The following MTMR8 variants were observed in gnomAD, a reference collection of about 807,000 sequenced individuals.
MTMR8 encodes the protein phosphatidylinositol-3,5-bisphosphate 3-phosphatase MTMR8.
Under a neutral mutation model 39.3 loss-of-function variants are expected in MTMR8, and 65 were observed. The ratio of observed to expected loss-of-function variants is 1.65; its 90% CI spans 1.35 to 2.03. MTMR8 has a LOEUF of 2.03. Among genes scored for constraint, MTMR8 ranks in the 30% most tolerant of loss-of-function variants. The probability of loss-of-function intolerance (pLI) is 0.00; values close to 1 mark genes in which losing one functional copy is unlikely to be tolerated. For missense variants in MTMR8, 777 were observed against 538.9 expected, an observed-to-expected ratio of 1.44 and a Z score of -4.37; for synonymous variants, 245 against 185.2, an observed-to-expected ratio of 1.32 and a Z score of -2.62.
rs148642933 is a variant in MTMR8, at chrX:64,268,559, G to T, written c.2093C>A (p.Ala698Glu). 14 of 1,206,223 alleles carry T rather than the reference G, an allele frequency of 1.2e-5. No homozygotes were observed. The highest frequency in any genetic ancestry group is 1.8e-5 in the African/African-American group (1 of 56,921). ...AACTCACTGATGCTTGGAGTAGTCT[G>T]CCTCCTTGGTGCTGGCCTTGGAGAT... is the stretch of plus-strand genomic sequence containing the variant. Reference protein sequence around the residue: ...TGISKASTKEADYSKHQ With the variant: ...TGISKASTKEEDYSKHQ Residue 698 changes from alanine (A) to glutamate (E), a missense_variant, in exon 14 of 14, where the codon GCA becomes GAA. By Grantham distance (107) the Ala-to-Glu change is moderately radical. Coordinates refer to ENST00000374852, the MANE Select transcript of MTMR8 (RefSeq NM_017677.4).
At chrX:64,392,549 G>T (rs138607731) in intron 1 of MTMR8, among the ~76,000 whole-genome samples, 1 of 111,257 alleles carries the variant, frequency 9.0e-6, no homozygotes, top group African/African-American at 3.3e-5. Flanking sequence ...GACTGGAAGG[G>T]GGCATGAAGT....
intron 1 of MTMR8, among the ~76,000 whole-genome samples, chrX:64,388,816 T>C (rs1191526451): frequency 8.9e-6 from 1 of 112,311 alleles, no homozygotes; most frequent in African/African-American, 3.2e-5. Flanking sequence ...CTCGGAGCCT[T>C]TAATAGGTGA....
intron 4 of MTMR8, among the ~76,000 whole-genome samples, chrX:64,354,033 C>T (rs1320925753): frequency 9.5e-6 from 1 of 105,209 alleles, no homozygotes; most frequent in East Asian, 3.0e-4. Flanking sequence ...AACTGGGGGA[C>T]ATTATATTAA....
intron 7 of MTMR8, among the ~76,000 whole-genome samples, chrX:64,344,822 T>G (rs1015997638): frequency 9.0e-6 from 1 of 111,523 alleles, no homozygotes; most frequent in African/African-American, 3.3e-5. Context: ...CAGATGAACT[T>G]TATTGAATTA....
rs1363691047 is a variant in MTMR8, at chrX:64,390,722, G to A, written c.24+4618C>T. ...GCCAGAGTGAAGTGGCACTATCAGA[G>A]CTCACTGCAGCCTCGACCTCCCAGA... On this transcript the variant is annotated intron_variant, in intron 1 of 13. Coordinates refer to ENST00000374852, the MANE Select transcript of MTMR8 (RefSeq NM_017677.4). Among the ~76,000 whole-genome samples the A allele has an allele frequency of 3.6e-5, 4 of 111,147 alleles. No homozygotes were observed. In the Admixed American group the frequency reaches 3.8e-4, roughly 11 times the overall value.
intron 12 of MTMR8, among the ~76,000 whole-genome samples, chrX:64,313,596 C>A (rs184037005): frequency 1.8e-5 from 2 of 112,565 alleles, no homozygotes; most frequent in African/African-American, 6.4e-5. Context: ...GTCTTCCTTG[C>A]TAAGCTTAAT....
chrX:64,357,282 T>C (rs1365723243), intron 2 of MTMR8, among the ~76,000 whole-genome samples: 2 of 111,432 alleles, frequency 1.8e-5, no homozygotes, highest in African/African-American at 3.3e-5. Flanking sequence ...TTCCAATCAA[T>C]AGTGCCTTTT....
At chrX:64,298,354 G>T (rs1921705644) in intron 12 of MTMR8, among the ~76,000 whole-genome samples, 1 of 93,043 alleles carries the variant, frequency 1.1e-5, no homozygotes, top group Non-Finnish European at 2.1e-5. Flanking sequence ...ATTGTGAATG[G>T]GAGTTCACTC....
chrX:64,272,840 A>C (rs1931790984), intron 12 of MTMR8, among the ~76,000 whole-genome samples: 1 of 112,231 alleles, frequency 8.9e-6, no homozygotes, highest in African/African-American at 3.2e-5. Context: ...CTCAGCAAAA[A>C]AAAACTTTCA....
intron 12 of MTMR8, among the ~76,000 whole-genome samples, chrX:64,291,177 G>A (rs890296682): frequency 1.8e-5 from 2 of 111,208 alleles, no homozygotes; most frequent in African/African-American, 6.5e-5. Context: ...TCAAAAGCCT[G>A]CTAGTACCAA....
At chrX:64,310,701 C>T (rs1160496830) in intron 12 of MTMR8, among the ~76,000 whole-genome samples, 2 of 109,945 alleles carry the variant, frequency 1.8e-5, no homozygotes, top group African/African-American at 6.6e-5. Context: ...TACCCTGTGT[C>T]CAAGTGTTCT....
At chrX:64,360,812 G>A (rs980683626) in intron 1 of MTMR8, among the ~76,000 whole-genome samples, 1 of 111,591 alleles carries the variant, frequency 9.0e-6, no homozygotes, top group Non-Finnish European at 1.9e-5. Flanking sequence ...AGAAGTAAAT[G>A]TATAGTAGTA....
At chrX:64,366,164 T>C (rs1310071257) in intron 1 of MTMR8, among the ~76,000 whole-genome samples, 1 of 111,066 alleles carries the variant, frequency 9.0e-6, no homozygotes, top group Non-Finnish European at 1.9e-5. Flanking sequence ...ATGGGAGACT[T>C]TAACACCCTA....
chrX:64,392,046 C>T (rs765142120), intron 1 of MTMR8, among the ~76,000 whole-genome samples: 39 of 111,680 alleles, frequency 3.5e-4, no homozygotes, highest in African/African-American at 1.1e-3. Context: ...AGAACAAATT[C>T]TGATTCAGAT....
intron 12 of MTMR8, among the ~76,000 whole-genome samples, chrX:64,300,417 T>C (rs1921814906): frequency 9.0e-6 from 1 of 111,486 alleles, no homozygotes; most frequent in Non-Finnish European, 1.9e-5. Context: ...TTTTTTGTTT[T>C]CCATTTGCTT....
In MTMR8 at chrX:64,313,747, A is replaced by C. The variant is rs192963354; in HGVS notation, c.1481+15025T>G. Reference sequence around the variant, plus strand: ...TCCAGAAGACTGAAAAGATGGAGCAATTATCTTCATTTCTTTCCATATTCT... The same window carrying C: ...TCCAGAAGACTGAAAAGATGGAGCACTTATCTTCATTTCTTTCCATATTCT... On this transcript the variant is annotated intron_variant, in intron 12 of 13. Transcript: ENST00000374852. Among the ~76,000 whole-genome samples the C allele has an allele frequency of 1.1e-4, 12 of 112,556 alleles. No individual in the cohort carries two copies. In the East Asian group the frequency reaches 2.8e-3, roughly 26 times the overall value.
chrX:64,288,038 A>AAAAAAAAAAAAAAAAAAAAC (rs1569210594), intron 12 of MTMR8, among the ~76,000 whole-genome samples: 1 of 80,854 alleles, frequency 1.2e-5, no homozygotes, highest in Non-Finnish European at 2.4e-5. Flanking sequence ...AAAAAAAAAA[A>AAAAAAAAAAAAAAAAAAAAC]AAAAAAAAAA....
At chrX:64,309,068 A>T (rs1454380143) in intron 12 of MTMR8, among the ~76,000 whole-genome samples, 2 of 111,943 alleles carry the variant, frequency 1.8e-5, no homozygotes, top group Non-Finnish European at 3.8e-5. Flanking sequence ...TGTTATTCTG[A>T]TTCAATATTG....
intron 1 of MTMR8, among the ~76,000 whole-genome samples, chrX:64,367,712 C>A (rs928760114): frequency 2.7e-5 from 3 of 111,832 alleles, no homozygotes; most frequent in Non-Finnish European, 5.6e-5. Flanking sequence ...CACAGGGATG[C>A]CCTCTCTCAC....
Sources: allele counts gnomAD v4.1 joint callset (sites outside exome capture counted in the v4.1 genomes callset), GRCh38; gene constraint gnomAD v4.1.1; transcripts MANE v1.5; gene names NCBI Gene and HGNC (gene_info 2026-07-23, HGNC 2026-07-21).